Variants in ZNF385D observed in about 807,000 individuals in gnomAD.
ZNF385D encodes the protein zinc finger protein 659.
Under a neutral mutation model 35.8 loss-of-function variants are expected in ZNF385D, and 15 were observed. That is an observed-to-expected ratio of 0.42 (90% CI 0.28 to 0.64). ZNF385D has a LOEUF of 0.64. ZNF385D is among the 30% of genes least tolerant of loss of function. The probability of loss-of-function intolerance (pLI) is 0.23; values close to 1 mark genes in which losing one functional copy is unlikely to be tolerated. For synonymous variants in ZNF385D, 212 were observed against 186.8 expected, an observed-to-expected ratio of 1.13 and a Z score of -1.10; for missense variants, 474 against 494.6, an observed-to-expected ratio of 0.96 and a Z score of 0.39.
chr3:22,175,320 T>C lies in ZNF385D; in HGVS notation c.107-6285A>G, dbSNP rs545412387. 7.9e-5 allele frequency among the ~76,000 whole-genome samples: 12 copies of C among 152,056 alleles called. No homozygotes were observed. The South Asian group carries it at 1.0e-3, about 13-fold the overall frequency. ...TGTGGAAATCATGAATAAGCATATA[T>C]AAAGTAAAAAGAGAAAAATACTGTA... is the stretch of plus-strand genomic sequence containing the variant. On this transcript the variant is annotated intron_variant, in intron 2 of 5. Coordinates refer to the ZNF385D transcript ENST00000494108.
intron 2 of ZNF385D, among the ~76,000 whole-genome samples, chr3:22,300,001 G>T (rs1702809817): frequency 6.6e-6 from 1 of 151,828 alleles, no homozygotes; most frequent in African/African-American, 2.4e-5. Context: ...AAGAGCCAAA[G>T]CAATCTTGAG....
intron 2 of ZNF385D, among the ~76,000 whole-genome samples, chr3:22,365,775 G>C (rs895578991): frequency 2.0e-5 from 3 of 151,944 alleles, no homozygotes; most frequent in African/African-American, 7.2e-5. Flanking sequence ...CCTCCCTGTA[G>C]AACAAATGAA....
intron 3 of ZNF385D, among the ~76,000 whole-genome samples, chr3:21,932,842 T>G (rs1263188058): frequency 6.6e-6 from 1 of 152,210 alleles, no homozygotes; most frequent in Non-Finnish European, 1.5e-5. Context: ...TTTTCATAGC[T>G]ATTTTCATGG....
In ZNF385D at chr3:21,484,985, G is replaced by C. The variant is rs143502364; in HGVS notation, c.439+25876C>G. On this transcript the variant is annotated intron_variant, in intron 4 of 7. Transcript: ENST00000281523. ...ATCACTGAGTCATCCTGTAAGTCTT[G>C]AGGCTGCTAGACAGTCCTACCTCTC... Among the ~76,000 whole-genome samples, 541 of 152,220 alleles carry C rather than the reference G, an allele frequency of 3.6e-3. 4 individuals are homozygous for C. Among genetic ancestry groups the C allele is most frequent in the Middle Eastern group, 0.017 (5 of 294 alleles).
chr3:22,020,372 T>G (rs1444645776), intron 3 of ZNF385D, among the ~76,000 whole-genome samples: 2 of 151,948 alleles, frequency 1.3e-5, no homozygotes, highest in Non-Finnish European at 2.9e-5. Context: ...TTTTCTTTAG[T>G]TGAACCACAT....
At chr3:21,871,562 A>G (rs1318882379) in intron 3 of ZNF385D, among the ~76,000 whole-genome samples, 1 of 152,160 alleles carries the variant, frequency 6.6e-6, no homozygotes, top group Non-Finnish European at 1.5e-5. Flanking sequence ...AAATCAATGT[A>G]TAAAGGAATG....
At chr3:21,490,568 C>G (rs1705358549) in intron 4 of ZNF385D, among the ~76,000 whole-genome samples, 1 of 152,094 alleles carries the variant, frequency 6.6e-6, no homozygotes, top group Non-Finnish European at 1.5e-5. Context: ...ACAGCTTCAG[C>G]CTAGCTGTCT....
At chr3:22,065,617 C>T (rs1400543100) in intron 3 of ZNF385D, among the ~76,000 whole-genome samples, 1 of 152,052 alleles carries the variant, frequency 6.6e-6, no homozygotes, top group South Asian at 2.1e-4. Flanking sequence ...GAGGAAAGGA[C>T]TGAGTGTGTG....
rs933059321 is a variant in ZNF385D at position 21,570,713 on chromosome 3, C to T, written c.166-6029G>A. On this transcript the variant is annotated intron_variant, in intron 2 of 7. Transcript: ENST00000281523. ...GCTTTTATGGCCCTTTGTCCAATATCACATAACTAGTAAGTGGGAGACTTG... is the reference window on the plus strand; with the variant it reads ...GCTTTTATGGCCCTTTGTCCAATATTACATAACTAGTAAGTGGGAGACTTG... Among the ~76,000 whole-genome samples the T allele has an allele frequency of 5.3e-5, 8 of 152,124 alleles. 1 individual carries two copies. The South Asian group carries it at 1.2e-3, about 24-fold the overall frequency.
intron 3 of ZNF385D, among the ~76,000 whole-genome samples, chr3:21,911,385 GC>G (rs1699954709): frequency 6.6e-6 from 1 of 151,898 alleles, no homozygotes; most frequent in African/African-American, 2.4e-5. Context: ...GTGACAATAT[GC>G]CCACTGTGAC....
chr3:22,305,497 A>C (rs1183641387), intron 2 of ZNF385D, among the ~76,000 whole-genome samples: 1 of 152,172 alleles, frequency 6.6e-6, no homozygotes. Context: ...CATTACAGTC[A>C]GCGTTGGGCT....
At chr3:21,561,390 C>T (rs2062940371) in intron 3 of ZNF385D, among the ~76,000 whole-genome samples, 1 of 152,196 alleles carries the variant, frequency 6.6e-6, no homozygotes, top group Non-Finnish European at 1.5e-5. Flanking sequence ...CTTCCCTTGG[C>T]TAGGAGAGGG....
chr3:21,602,512 A>ATTTTTTTTTTTTTTTTTTTTTTTTTTT (rs199882061), intron 2 of ZNF385D, among the ~76,000 whole-genome samples: 3 of 90,206 alleles, frequency 3.3e-5, no homozygotes, highest in Non-Finnish European at 4.0e-5. Context: ...GTTTCCCTGC[A>ATTTTTTTTTTTTTTTTTTTTTTTTTTT]TTTTCTTTTT....
chr3:21,754,716 A>G (rs9845699), upstream of ZNF385D, among the ~76,000 whole-genome samples: 48,101 of 151,638 alleles, frequency 0.32, 7,856 homozygotes, highest in Middle Eastern at 0.46. Context: ...CATCTGACAC[A>G]CTATTTTAGA....
At chr3:22,042,631 G>T (rs1698735299) in intron 3 of ZNF385D, among the ~76,000 whole-genome samples, 1 of 152,086 alleles carries the variant, frequency 6.6e-6, no homozygotes, top group South Asian at 2.1e-4. Flanking sequence ...TGCTGGGAAA[G>T]CCCATAAAAC....
intron 1 of ZNF385D, among the ~76,000 whole-genome samples, chr3:21,705,322 A>C (rs1301849777): frequency 6.6e-6 from 1 of 152,210 alleles, no homozygotes; most frequent in East Asian, 1.9e-4. Flanking sequence ...AGCTCTTTTA[A>C]AAACATCAGA....
At chr3:21,750,039 A>G (rs2069984541) in intron 1 of ZNF385D, among the ~76,000 whole-genome samples, 1 of 152,258 alleles carries the variant, frequency 6.6e-6, no homozygotes, top group Admixed American at 6.5e-5. Context: ...GACGCCAGAT[A>G]GGACTTACAG....
At chr3:22,039,401 T>C (rs17010658) in intron 3 of ZNF385D, among the ~76,000 whole-genome samples, 19,736 of 152,094 alleles carry the variant, frequency 0.13, 1,621 homozygotes, top group South Asian at 0.28. Context: ...GCTTCTCAAC[T>C]AGTACATGGT....
chr3:22,241,208 T>C (rs547649169), intron 2 of ZNF385D, among the ~76,000 whole-genome samples: 1 of 151,282 alleles, frequency 6.6e-6, no homozygotes, highest in South Asian at 2.2e-4. Context: ...AAGTGCCAAA[T>C]GATGTCTTCT....
Sources: gnomAD v4.1 joint callset for allele counts (sites outside exome capture counted in the v4.1 genomes callset) on GRCh38, gnomAD v4.1.1 for gene constraint, MANE v1.5 for transcripts, NCBI Gene and HGNC (gene_info 2026-07-23, HGNC 2026-07-21) for gene names.